The following AGBL1 variants were observed in gnomAD, a reference collection of about 807,000 sequenced individuals.
The protein encoded by AGBL1 is cytosolic carboxypeptidase 4.
AGBL1 carries 130 observed loss-of-function variants against 118.9 expected under a neutral mutation model. That is an observed-to-expected ratio of 1.09 (90% CI 0.95 to 1.26). The LOEUF is 1.26. Among genes scored for constraint, AGBL1 ranks in the 50% most tolerant of loss-of-function variants. The pLI, the probability that AGBL1 is intolerant of heterozygous loss-of-function variation, is 0.00. For synonymous variants in AGBL1, 555 were observed against 478.9 expected (o/e 1.16, Z -2.08); for missense variants, 1,584 against 1,298.1 (o/e 1.22, Z -3.38).
intron 22 of AGBL1, among the ~76,000 whole-genome samples, chr15:86,811,981 C>T (rs571338074): frequency 1.3e-5 from 2 of 152,278 alleles, no homozygotes; most frequent in African/African-American, 4.8e-5. Flanking sequence ...GCCTATCTCA[C>T]TCACTTTTCA....
intron 5 of AGBL1, among the ~76,000 whole-genome samples, chr15:86,203,983 C>G (rs2077948734): frequency 2.0e-5 from 3 of 152,130 alleles, no homozygotes; most frequent in African/African-American, 7.2e-5. Context: ...TTATGTTGCA[C>G]TCTTGGCAAG....
intron 24 of AGBL1, among the ~76,000 whole-genome samples, chr15:87,019,442 C>G (rs1170651750): frequency 6.6e-6 from 1 of 152,038 alleles, no homozygotes; most frequent in Non-Finnish European, 1.5e-5. Flanking sequence ...ACAGTGCAAT[C>G]AAATTAGAAT....
intron 22 of AGBL1, among the ~76,000 whole-genome samples, chr15:86,753,004 A>C (rs2077878393): frequency 6.6e-6 from 1 of 152,064 alleles, no homozygotes; most frequent in South Asian, 2.1e-4. Context: ...TCCTTCTAAA[A>C]ACAAGGCACT....
At chr15:86,202,359 C>G (rs969185805) in intron 5 of AGBL1, among the ~76,000 whole-genome samples, 2 of 152,102 alleles carry the variant, frequency 1.3e-5, no homozygotes, top group Non-Finnish European at 2.9e-5. Context: ...TCATATGACC[C>G]TATTTTCTCA....
chr15:86,700,630 T>C (rs964438063), intron 22 of AGBL1, among the ~76,000 whole-genome samples: 3 of 152,020 alleles, frequency 2.0e-5, no homozygotes, highest in African/African-American at 7.2e-5. Flanking sequence ...AAACTTGCAA[T>C]TTTCAGCTGG....
chr15:86,897,418 T>C (rs2080143949), intron 22 of AGBL1, among the ~76,000 whole-genome samples: 1 of 152,168 alleles, frequency 6.6e-6, no homozygotes, highest in Admixed American at 6.5e-5. Flanking sequence ...TTTTCTATTA[T>C]ATCTTTAAAC....
At chr15:86,298,042 A>T (rs990138470) in intron 17 of AGBL1, among the ~76,000 whole-genome samples, 3 of 151,526 alleles carry the variant, frequency 2.0e-5, no homozygotes, top group African/African-American at 7.3e-5. Context: ...TTCCTTTCCT[A>T]ACCCAATGGA....
At chr15:86,560,485 C>G (rs984354067) in intron 21 of AGBL1, among the ~76,000 whole-genome samples, 1 of 152,170 alleles carries the variant, frequency 6.6e-6, no homozygotes, top group Non-Finnish European at 1.5e-5. Context: ...TTTTTTATAG[C>G]TGCATAGTAT....
chr15:86,416,847 C>A (rs139749875), intron 18 of AGBL1, among the ~76,000 whole-genome samples: 2 of 152,108 alleles, frequency 1.3e-5, no homozygotes, highest in Admixed American at 6.5e-5. Flanking sequence ...CTTAGCAATT[C>A]GATGCTATGT....
At chr15:86,645,740 C>A (rs2085267363) in intron 21 of AGBL1, among the ~76,000 whole-genome samples, 1 of 152,124 alleles carries the variant, frequency 6.6e-6, no homozygotes, top group South Asian at 2.1e-4. Context: ...GTACTCAGTC[C>A]AAGTTCACAG....
intron 6 of AGBL1, among the ~76,000 whole-genome samples, chr15:86,233,572 A>G (rs141453629): frequency 1.3e-4 from 20 of 152,306 alleles, no homozygotes; most frequent in African/African-American, 4.6e-4. Context: ...ATCAAGTTTG[A>G]AAACCTCTGA....
At chr15:86,476,198 T>G (rs1237074842) in intron 18 of AGBL1, among the ~76,000 whole-genome samples, 1 of 152,152 alleles carries the variant, frequency 6.6e-6, no homozygotes, top group African/African-American at 2.4e-5. Context: ...CCAGCTAACA[T>G]CATAATGACA....
intron 21 of AGBL1, among the ~76,000 whole-genome samples, chr15:86,578,633 C>A (rs1040128814): frequency 6.6e-6 from 1 of 152,134 alleles, no homozygotes; most frequent in African/African-American, 2.4e-5. Flanking sequence ...GGAAGGGACC[C>A]AGTGGGAGGT....
intron 21 of AGBL1, among the ~76,000 whole-genome samples, chr15:86,669,792 T>C (rs1268666188): frequency 6.6e-6 from 1 of 152,138 alleles, no homozygotes; most frequent in Non-Finnish European, 1.5e-5. Flanking sequence ...CTCCTGGAAA[T>C]GTTTACATTT....
intron 22 of AGBL1, among the ~76,000 whole-genome samples, chr15:86,721,768 G>C (rs1387240639): frequency 1.3e-5 from 2 of 152,168 alleles, no homozygotes; most frequent in Non-Finnish European, 2.9e-5. Context: ...CATTGTCTCA[G>C]CCCAAAATCT....
At chr15:86,134,312 G>A (rs1349468905) in intron 1 of AGBL1, among the ~76,000 whole-genome samples, 1 of 152,188 alleles carries the variant, frequency 6.6e-6, no homozygotes, top group Non-Finnish European at 1.5e-5. Context: ...TGGCAATATG[G>A]TTTCCTTGGG....
chr15:86,254,045 G>A (rs1185889269), intron 7 of AGBL1, among the ~76,000 whole-genome samples: 1 of 152,166 alleles, frequency 6.6e-6, no homozygotes, highest in Admixed American at 6.5e-5. Flanking sequence ...CTACATAGAA[G>A]CAGAGCTGGA....
chr15:86,324,863 G>C (rs1296004895), intron 17 of AGBL1, among the ~76,000 whole-genome samples: 1 of 152,162 alleles, frequency 6.6e-6, no homozygotes, highest in Non-Finnish European at 1.5e-5. Context: ...GAGGGTTAGA[G>C]GAAGTGAGCC....
chr15:86,219,878 A>G (rs975733676), intron 5 of AGBL1, among the ~76,000 whole-genome samples: 6 of 150,660 alleles, frequency 4.0e-5, no homozygotes, highest in Non-Finnish European at 3.0e-5. Flanking sequence ...TGTTAAAAGT[A>G]GAGAGAAGAC....
Sources: gnomAD v4.1 joint callset for allele counts (sites outside exome capture counted in the v4.1 genomes callset) on GRCh38, gnomAD v4.1.1 for gene constraint, MANE v1.5 for transcripts, NCBI Gene and HGNC (gene_info 2026-07-23, HGNC 2026-07-21) for gene names.